MICAL3: variants seen among roughly 807,000 people sequenced by gnomAD.
MICAL3 encodes [F-actin]-monooxygenase MICAL3.
A neutral mutation model predicts 207.4 loss-of-function variants in MICAL3; 62 were observed. That is an observed-to-expected ratio of 0.30 (90% CI 0.24 to 0.37). The LOEUF (loss-of-function observed/expected upper bound fraction) is 0.37. MICAL3 is among the 10% of genes least tolerant of loss of function. The probability of loss-of-function intolerance (pLI) is 1.00; values close to 1 mark genes in which losing one functional copy is unlikely to be tolerated. For synonymous variants in MICAL3, 1,077 were observed against 1,069.3 expected, an observed-to-expected ratio of 1.01 and a Z score of -0.14; for missense variants, 2,368 against 2,635.6, an observed-to-expected ratio of 0.90 and a Z score of 2.22.
At chr22:17,921,791 C>T (rs1166369415) in intron 1 of MICAL3, among the ~76,000 whole-genome samples, 1 of 152,088 alleles carries the variant, frequency 6.6e-6, no homozygotes, top group African/African-American at 2.4e-5. Context: ...GCCCGGCTAG[C>T]TGTCCCTTAA....
Position 17,927,777 on chromosome 22 carries a change from C to T in MICAL3, c.-74-20891G>A, listed in dbSNP as rs143876893. Among the ~76,000 whole-genome samples, 838 of 152,246 alleles carry T rather than the reference C, an allele frequency of 5.5e-3. 6 individuals are homozygous for T. Among genetic ancestry groups the T allele is most frequent in the African/African-American group, 0.02 (814 of 41,522 alleles). Reference sequence around the variant, plus strand: ...GACAAATATGAACCTCCTCATCCATCGGGGCTTTAGGGCCACATCTCCAAG... The same window carrying T: ...GACAAATATGAACCTCCTCATCCATTGGGGCTTTAGGGCCACATCTCCAAG... On this transcript the variant is annotated intron_variant, in intron 1 of 31. Transcript: ENST00000441493.
At position 17,818,450 on chromosome 22, in the gene MICAL3, G is replaced by C. The variant is rs760595870; in HGVS notation, c.4211C>G (p.Pro1404Arg). Residue 1404 changes from proline to arginine, a missense_variant, in exon 26 of 32, where the codon CCC becomes CGC. Physicochemically the swap from Pro to Arg is moderately radical, Grantham distance 103. Coordinates refer to ENST00000441493, the MANE Select transcript of MICAL3 (RefSeq NM_015241.3). ...TAGCTCTCTGTCGGACGGGGACCGG[G>C]GGGTTGGCAGGGACAACGGCTCGCC... The part of the protein sequence containing the change: ...PEGEPLSLPT[P>R]RSPSDRELRS... 9.9e-6 allele frequency: 16 copies of C among 1,612,860 alleles called. No homozygotes were observed. In the Admixed American group the frequency reaches 1.2e-4, roughly 12 times the overall value.
chr22:17,931,364 G>C (rs2146318797), intron 1 of MICAL3, among the ~76,000 whole-genome samples: 1 of 152,296 alleles, frequency 6.6e-6, no homozygotes, highest in Middle Eastern at 3.4e-3. Context: ...GTGATCTGAG[G>C]GACCCAGCAG....
At chr22:17,898,635 T>C (rs981186069) in intron 7 of MICAL3, among the ~76,000 whole-genome samples, 8 of 152,378 alleles carry the variant, frequency 5.3e-5, no homozygotes, top group Admixed American at 2.6e-4. Context: ...TCAGCACAAC[T>C]GGTGTCTCTG....
chr22:17,929,568 CTTTT>C (rs67222681), intron 1 of MICAL3, among the ~76,000 whole-genome samples: 22 of 108,902 alleles, frequency 2.0e-4, no homozygotes, highest in African/African-American at 3.3e-4. Flanking sequence ...CTTTTCTTTT[CTTTT>C]TTTTTTTTTT....
intron 1 of MICAL3, among the ~76,000 whole-genome samples, chr22:17,997,194 G>A (rs957308549): frequency 3.3e-5 from 5 of 150,906 alleles, no homozygotes; most frequent in African/African-American, 9.8e-5. Flanking sequence ...CTCCAGAGTA[G>A]CTGGGACCAC....
At chr22:17,889,537 T>C (rs921549275) in intron 12 of MICAL3, among the ~76,000 whole-genome samples, 1 of 152,126 alleles carries the variant, frequency 6.6e-6, no homozygotes, top group African/African-American at 2.4e-5. Context: ...AGCTCGAGAA[T>C]AGGGACTGGC....
intron 1 of MICAL3, among the ~76,000 whole-genome samples, chr22:17,991,366 T>C (rs530705847): frequency 6.6e-6 from 1 of 152,380 alleles, no homozygotes; most frequent in South Asian, 2.1e-4. Context: ...GGTAAATTTT[T>C]AAATTCCTAC....
At chr22:17,871,717 G>A (rs1927742948) in intron 17 of MICAL3, 120 bp downstream of exon 17, 1 of 840,774 alleles carries the variant, frequency 1.2e-6, no homozygotes, top group African/African-American at 1.7e-5. Flanking sequence ...GGCTGGGAGA[G>A]GCATGATGGA....
In MICAL3 at chr22:17,796,437, C is replaced by G. The variant is rs531280432; in HGVS notation, c.5651-5136G>C. ...AGGGCGCCCTCGCATGCACCACCCA[C>G]GTGATCCTCACACCGGCCAGGTGTG... On this transcript the variant is annotated intron_variant, in intron 29 of 31. Transcript: ENST00000441493. The surrounding 1 kb of genome is among the most constrained non-coding windows in gnomAD (Gnocchi z 4.4). Among the ~76,000 whole-genome samples the G allele has an allele frequency of 6.6e-6, 1 of 152,254 alleles. No individual in the cohort carries two copies. Among genetic ancestry groups the G allele is most frequent in the Non-Finnish European group, 1.5e-5 (1 of 68,046 alleles).
chr22:17,808,968 G>C (rs1364081025), intron 28 of MICAL3, 31 bp from the exon 29 acceptor site: 2 of 1,523,144 alleles, frequency 1.3e-6, no homozygotes, highest in Non-Finnish European at 1.8e-6. Context: ...TGAGCACCCG[G>C]CTCTCCAGCC....
At chr22:17,851,460 C>T (rs1221552391) in intron 19 of MICAL3, among the ~76,000 whole-genome samples, 1 of 152,226 alleles carries the variant, frequency 6.6e-6, no homozygotes, top group East Asian at 1.9e-4. Context: ...GGATTATTCT[C>T]ATCATCTTTG....
chr22:18,021,515 G>A (rs893807984), intron 1 of MICAL3, among the ~76,000 whole-genome samples: 3 of 152,250 alleles, frequency 2.0e-5, no homozygotes, highest in Non-Finnish European at 4.4e-5. Context: ...GTCTCAAGAG[G>A]TCAGGCTGAC....
At chr22:17,860,883 C>A (rs1441441708) in intron 19 of MICAL3, 2 of 985,304 alleles carry the variant, frequency 2.0e-6, no homozygotes, top group Non-Finnish European at 2.4e-6. Flanking sequence ...TTCTCAGAAC[C>A]AGGAACAAGC....
At chr22:18,019,250 A>G (rs1264340887) in intron 1 of MICAL3, 2 of 153,172 alleles carry the variant, frequency 1.3e-5, no homozygotes, top group African/African-American at 4.8e-5. Context: ...GACAAACTCC[A>G]TAGACATTAA....
At position 17,793,085 on chromosome 22, in the gene MICAL3, T is replaced by C. The variant is rs954333543; in HGVS notation, c.5651-1784A>G. 2.6e-5 allele frequency among the ~76,000 whole-genome samples: 4 copies of C among 152,008 alleles called. No individual in the cohort carries two copies. Among genetic ancestry groups the C allele is most frequent in the Non-Finnish European group, 1.5e-5 (1 of 67,992 alleles). ...ACGTGCGGACAGCGCTCACTAGCTA[T>C]GGAGAGCTCGCCCACGGCCGCCAGG... On this transcript the variant is annotated intron_variant, in intron 29 of 31. Coordinates refer to ENST00000441493, the MANE Select transcript of MICAL3 (RefSeq NM_015241.3). The surrounding 1 kb of genome is among the most constrained non-coding windows in gnomAD (Gnocchi z 4.1).
At position 17,896,238 on chromosome 22, in the gene MICAL3, C is replaced by T; in HGVS notation, c.1322+8G>A. 2.0e-6 allele frequency: 3 copies of T among 1,527,552 alleles called. No homozygotes were observed. The highest frequency in any genetic ancestry group is 2.7e-6 in the Non-Finnish European group (3 of 1,124,478). The allele number at this position is 1,527,552 out of a possible 1,614,324, so 94.6% of individuals were successfully genotyped here. The stretch of plus-strand genomic sequence containing the variant: ...TCATGAAAGGAACCCCGGGTTACTT[C>T]CCATTACCTCTCTGCCAGCACTTCC... On this transcript the variant is annotated splice_region_variant and intron_variant, in intron 9 of 31. Coordinates refer to ENST00000441493, the MANE Select transcript of MICAL3 (RefSeq NM_015241.3).
chr22:17,985,267 G>A (rs1327125597), intron 1 of MICAL3, among the ~76,000 whole-genome samples: 2 of 152,068 alleles, frequency 1.3e-5, no homozygotes, highest in African/African-American at 4.8e-5. Context: ...ATGCCCGAGC[G>A]TGCTGCGTGC....
intron 16 of MICAL3, chr22:17,884,402 A>G (rs1929697601): frequency 7.0e-7 from 1 of 1,431,906 alleles, no homozygotes; most frequent in African/African-American, 1.5e-5. Context: ...GGACATGGAG[A>G]CAAAACAAAA....
Sources: allele counts gnomAD v4.1 joint callset (sites outside exome capture counted in the v4.1 genomes callset), GRCh38; gene constraint gnomAD v4.1.1; non-coding constraint Gnocchi (gnomAD v3.1); transcripts MANE v1.5; gene names NCBI Gene and HGNC (gene_info 2026-07-23, HGNC 2026-07-21).